Variants in ZZEF1 observed in about 807,000 individuals in gnomAD.
ZZEF1 encodes the protein zinc finger ZZ-type and EF-hand domain-containing protein 1.
In ZZEF1, 157 loss-of-function variants were observed where a neutral mutation model predicts 342.8. That is an observed-to-expected ratio of 0.46 (90% CI 0.40 to 0.52). The LOEUF (loss-of-function observed/expected upper bound fraction) is 0.52. ZZEF1 is among the 20% of genes least tolerant of loss of function. ZZEF1 has a pLI of 0.00. For synonymous variants in ZZEF1, 1,505 were observed against 1,429.1 expected (o/e 1.05, Z -1.20); for missense variants, 3,480 against 3,725.6 (o/e 0.93, Z 1.72).
At chr17:4,130,007 A>C (rs75830769) in intron 1 of ZZEF1, among the ~76,000 whole-genome samples, 13,114 of 152,170 alleles carry the variant, frequency 0.086, 629 homozygotes, top group South Asian at 0.14. Flanking sequence ...CCTGGGGCCT[A>C]CCTAAGGTGG....
chr17:4,105,666 G>A, intron 7 of ZZEF1, 27 bp downstream of exon 7: 1 of 1,529,816 alleles, frequency 6.5e-7, no homozygotes. Flanking sequence ...TCCTCACAGA[G>A]TTTACCCTCA....
chr17:4,083,595 G>A (rs1165843301), intron 16 of ZZEF1, among the ~76,000 whole-genome samples: 1 of 151,258 alleles, frequency 6.6e-6, no homozygotes, highest in African/African-American at 2.4e-5. Flanking sequence ...GACTGCTGCT[G>A]CTGCCCTTTG....
At chr17:4,045,500 A>T (rs764790945) in intron 37 of ZZEF1, among the ~76,000 whole-genome samples, 2 of 152,238 alleles carry the variant, frequency 1.3e-5, no homozygotes, top group Non-Finnish European at 2.9e-5. Context: ...CATTATCTTT[A>T]ATATGATGAA....
intron 21 of ZZEF1, chr17:4,076,133 C>CTCTCTTTTTTTTT (rs1567818625): frequency 6.7e-5 from 7 of 104,864 alleles, no homozygotes; most frequent in Non-Finnish European, 1.3e-4. Context: ...TCTGCGTCTC[C>CTCTCTTTTTTTTT]TTTCTTTTTT....
intron 42 of ZZEF1, 108 bp downstream of exon 42, chr17:4,032,015 TTAA>T (rs368157055): frequency 0.014 from 17,010 of 1,228,574 alleles, 165 homozygotes; most frequent in South Asian, 0.018. Context: ...AACTTGTTCT[TTAA>T]AAAAATCACA....
intron 39 of ZZEF1, among the ~76,000 whole-genome samples, chr17:4,036,817 ACTCTCT>A (rs368445866): frequency 0.031 from 2,233 of 72,344 alleles, 42 homozygotes; most frequent in African/African-American, 0.092. Context: ...ACACACACAC[ACTCTCT>A]CTCTCTCTCT....
intron 23 of ZZEF1, 114 bp downstream of exon 23, chr17:4,074,983 C>A: frequency 9.4e-7 from 1 of 1,062,888 alleles, no homozygotes; most frequent in Non-Finnish European, 1.4e-6. Flanking sequence ...CTTTCACAAA[C>A]GTGTAACATA....
At chr17:4,064,106 C>A (rs998699220) in intron 29 of ZZEF1, among the ~76,000 whole-genome samples, 2 of 151,450 alleles carry the variant, frequency 1.3e-5, no homozygotes, top group African/African-American at 4.9e-5. Flanking sequence ...GTCTTGAATT[C>A]CTGATCCCAA....
chr17:4,024,769 CTGTG>C (rs1439995426), intron 43 of ZZEF1, 146 bp downstream of exon 43: 1 of 742,770 alleles, frequency 1.3e-6, no homozygotes, highest in Non-Finnish European at 2.3e-6. Flanking sequence ...TTGAAGTTAT[CTGTG>C]TGTAAGGCCC....
At chr17:4,098,024 G>A (rs2058067265) in intron 9 of ZZEF1, among the ~76,000 whole-genome samples, 1 of 151,376 alleles carries the variant, frequency 6.6e-6, no homozygotes, top group Non-Finnish European at 1.5e-5. Flanking sequence ...GTTCACTTAA[G>A]GTCAGGAGTT....
At chr17:4,026,315 A>G (rs1214899163) in intron 42 of ZZEF1, among the ~76,000 whole-genome samples, 2 of 152,166 alleles carry the variant, frequency 1.3e-5, no homozygotes, top group African/African-American at 4.8e-5. Context: ...AAATTTGATG[A>G]AAACTGTAAA....
intron 43 of ZZEF1, among the ~76,000 whole-genome samples, chr17:4,023,887 A>G (rs2056334920): frequency 6.6e-6 from 1 of 152,072 alleles, no homozygotes; most frequent in Non-Finnish European, 1.5e-5. Flanking sequence ...AACAAAAGAA[A>G]CAGCAGATGA....
At position 4,095,947 on chromosome 17, in the gene ZZEF1, C is replaced by T. The variant is rs753816120; in HGVS notation, c.1797G>A (p.Gly599=). The T allele has an allele frequency of 1.3e-5, 21 of 1,612,840 alleles. No individual in the cohort carries two copies. In the South Asian group the frequency reaches 2.1e-4, roughly 16 times the overall value. ...AAGATGAGTTATAGGCAAACACCAA[C>T]CCACACTGGGCACCAATGCCACCAC... ...VRRGGIGAQC[G]LVFAYNSSSD... The change falls in exon 11 of 55, where the codon GGG becomes GGA. Residue 599 remains glycine (G), a synonymous_variant. Transcript: ENST00000381638.
At chr17:4,020,103 C>A in intron 45 of ZZEF1, 1 of 217,766 alleles carries the variant, frequency 4.6e-6, no homozygotes, top group Non-Finnish European at 9.0e-6. Flanking sequence ...TCAAGTTTGA[C>A]AACTAGCGCA....
chr17:4,097,251 CAAA>C (rs11322795), intron 9 of ZZEF1, among the ~76,000 whole-genome samples: 1 of 137,256 alleles, frequency 7.3e-6, no homozygotes. Flanking sequence ...AACTCCGTCT[CAAA>C]AAAAAAAAAG....
chr17:4,140,078 T>C (rs997964994), intron 1 of ZZEF1, among the ~76,000 whole-genome samples: 28 of 152,308 alleles, frequency 1.8e-4, no homozygotes, highest in African/African-American at 6.5e-4. Flanking sequence ...CCGTGGAGGA[T>C]GACAGCACAA....
At chr17:4,120,513 A>C (rs2058466124) in intron 2 of ZZEF1, among the ~76,000 whole-genome samples, 1 of 152,268 alleles carries the variant, frequency 6.6e-6, no homozygotes, top group Admixed American at 6.5e-5. Context: ...GCAAAGTCCC[A>C]TGACAGGCCG....
At position 4,116,756 on chromosome 17, in the gene ZZEF1, C is replaced by G. The variant is rs765714075; in HGVS notation, c.694+216G>C. On this transcript the variant is annotated intron_variant, in intron 3 of 54. Transcript: ENST00000381638. ...TTAATTAGATAAAGCGGAAAGGCAT[C>G]CCTCAAAGTCACATCTGAGCAGAGA... is the stretch of plus-strand genomic sequence containing the variant. Among the ~76,000 whole-genome samples the G allele has an allele frequency of 7.2e-4, 109 of 152,268 alleles. 1 individual carries two copies. Among genetic ancestry groups the G allele is most frequent in the Non-Finnish European group, 1.4e-3 (94 of 68,030 alleles).
At chr17:4,037,242 T>C (rs2056693528) in intron 39 of ZZEF1, among the ~76,000 whole-genome samples, 2 of 152,108 alleles carry the variant, frequency 1.3e-5, no homozygotes, top group Non-Finnish European at 2.9e-5. Context: ...ATAACAAAAG[T>C]GGAAAGATTA....
Sources: gnomAD v4.1 joint callset for allele counts (sites outside exome capture counted in the v4.1 genomes callset) on GRCh38, gnomAD v4.1.1 for gene constraint, MANE v1.5 for transcripts, NCBI Gene and HGNC (gene_info 2026-07-23, HGNC 2026-07-21) for gene names.